The following TAF1B variants were observed in gnomAD, a reference collection of about 807,000 sequenced individuals.
TAF1B encodes TATA-box binding protein associated factor, RNA polymerase I subunit B.
A neutral mutation model predicts 83.9 loss-of-function variants in TAF1B; 61 were observed. That is an observed-to-expected ratio of 0.73 (90% CI 0.59 to 0.90). TAF1B has a LOEUF of 0.90. TAF1B is among the 40% of genes least tolerant of loss of function. The probability of loss-of-function intolerance (pLI) is 0.00; values close to 1 mark genes in which losing one functional copy is unlikely to be tolerated. For synonymous variants in TAF1B, 221 were observed against 224.6 expected, an observed-to-expected ratio of 0.98 and a Z score of 0.14; for missense variants, 625 against 677.0, an observed-to-expected ratio of 0.92 and a Z score of 0.85.
intron 2 of TAF1B, among the ~76,000 whole-genome samples, chr2:9,849,123 G>C (rs544015429): frequency 1.3e-5 from 2 of 152,262 alleles, no homozygotes; most frequent in Admixed American, 6.5e-5. Flanking sequence ...TAAAATAAAA[G>C]TTATTCATTT....
chr2:9,866,331 A>C (rs1279071420), intron 5 of TAF1B, among the ~76,000 whole-genome samples: 1 of 152,248 alleles, frequency 6.6e-6, no homozygotes, highest in Non-Finnish European at 1.5e-5. Flanking sequence ...AAACACATGA[A>C]AAAATGCTCA....
chr2:9,852,277 A>G (rs948414367), intron 4 of TAF1B, among the ~76,000 whole-genome samples: 4 of 152,184 alleles, frequency 2.6e-5, no homozygotes, highest in African/African-American at 9.7e-5. Flanking sequence ...TCCTGGAGCA[A>G]CACAGTATTT....
At chr2:9,929,184 A>G (rs1275754276) in intron 14 of TAF1B, among the ~76,000 whole-genome samples, 2 of 115,916 alleles carry the variant, frequency 1.7e-5, no homozygotes, top group African/African-American at 7.8e-5. Flanking sequence ...TTAGAGACGG[A>G]GTCTCGCTCT....
chr2:9,869,256 G>A (rs2125147022), intron 6 of TAF1B, among the ~76,000 whole-genome samples: 1 of 152,036 alleles, frequency 6.6e-6, no homozygotes, highest in South Asian at 2.1e-4. Context: ...ATGGAATCTA[G>A]TTCTGTCACC....
In TAF1B at chr2:9,933,835, C is replaced by G. The variant is rs570159917; in HGVS notation, c.1618C>G (p.Gln540Glu). The G allele has an allele frequency of 1.2e-6, 2 of 1,613,798 alleles. No individual in the cohort carries two copies. The highest frequency in any genetic ancestry group is 2.2e-5 in the South Asian group (2 of 91,040). ...YEESNYSLSYQFILNLFSFLL... is the reference protein window; with the variant it reads ...YEESNYSLSYEFILNLFSFLL... ...AGAATCAAATTATTCTCTGAGTTAT[C>G]AGTTTATACTAAATCTCTTCTCCTT... The change falls in exon 15 of 15, where the codon CAG (glutamine) becomes GAG (glutamate). Residue 540 changes from glutamine (Q) to glutamate (E), a missense_variant. Transcript: ENST00000263663.
intron 5 of TAF1B, among the ~76,000 whole-genome samples, chr2:9,864,891 G>A (rs995128908): frequency 6.6e-6 from 1 of 151,982 alleles, no homozygotes; most frequent in Admixed American, 6.6e-5. Context: ...ATTCAACAAC[G>A]CTTCATGTTA....
At chr2:9,880,562 C>A (rs1489641454) in intron 7 of TAF1B, among the ~76,000 whole-genome samples, 1 of 150,384 alleles carries the variant, frequency 6.6e-6, no homozygotes, top group South Asian at 2.1e-4. Flanking sequence ...ATTTCTGCTT[C>A]CCCTAGTCAG....
intron 7 of TAF1B, among the ~76,000 whole-genome samples, chr2:9,876,559 G>A (rs1228783678): frequency 6.6e-6 from 1 of 152,208 alleles, no homozygotes; most frequent in Non-Finnish European, 1.5e-5. Flanking sequence ...ACAGTTTTAT[G>A]TGTAAGAATT....
At chr2:9,916,915 C>T (rs931109421) in intron 12 of TAF1B, among the ~76,000 whole-genome samples, 40 of 141,834 alleles carry the variant, frequency 2.8e-4, no homozygotes, top group Admixed American at 2.5e-3. Flanking sequence ...GACACGATCT[C>T]GGCCCACCGC....
At chr2:9,901,385 A>G (rs1165475614) in intron 8 of TAF1B, among the ~76,000 whole-genome samples, 1 of 152,220 alleles carries the variant, frequency 6.6e-6, no homozygotes, top group East Asian at 1.9e-4. Context: ...CTCAATTCAT[A>G]TTCGAAAGAA....
chr2:9,850,766 T>G (rs1255556031), intron 3 of TAF1B, among the ~76,000 whole-genome samples: 2 of 152,208 alleles, frequency 1.3e-5, no homozygotes, highest in African/African-American at 4.8e-5. Context: ...CAGCTCGTAG[T>G]TGTCATTAAA....
Position 9,849,376 on chromosome 2 carries a change from T to G in TAF1B, c.121T>G (p.Tyr41Asp). Residue 41 changes from tyrosine to aspartate, a missense_variant, in exon 3 of 15, where the codon TAT becomes GAT. Physicochemically the swap from Tyr to Asp is radical, Grantham distance 160. Transcript: ENST00000263663. ...CTSCHNVTER[Y>D]QEVTNTDLIP... ...GGTCTTTTTCTCTTTCCTGCAGAGA[T>G]ATCAGGAAGTTACAAACACTGATCT... 6.3e-7 allele frequency: 1 copy of G among 1,594,924 alleles called. No individual in the cohort carries two copies. The highest frequency in any genetic ancestry group is 1.7e-4 in the Middle Eastern group (1 of 6,008).
intron 8 of TAF1B, among the ~76,000 whole-genome samples, chr2:9,890,172 G>A (rs904750797): frequency 6.6e-6 from 1 of 152,168 alleles, no homozygotes; most frequent in Non-Finnish European, 1.5e-5. Context: ...CTGCACTGCA[G>A]TTTGGAAACT....
In TAF1B at chr2:9,880,426, C is replaced by CTTTTTT. The variant is rs6146620; in HGVS notation, c.708-2260_708-2255dup. On this transcript the variant is annotated intron_variant, in intron 7 of 14. Coordinates refer to ENST00000263663, the MANE Select transcript of TAF1B (RefSeq NM_005680.3). ...ATTGTTCAGAACTTTGAGTAAGCAGCTTTTTTTTTTTTTTTTTTTTTTTTT... is the reference window on the plus strand; with the variant it reads ...ATTGTTCAGAACTTTGAGTAAGCAGCTTTTTTTTTTTTTTTTTTTTTTTTTTTTTTT... Among the ~76,000 whole-genome samples, 507 of 74,948 alleles carry CTTTTTT rather than the reference C, an allele frequency of 6.8e-3. 18 individuals carry two copies. Among genetic ancestry groups the CTTTTTT allele is most frequent in the South Asian group, 8.6e-3 (17 of 1,984 alleles). The allele number at this position is 74,948 out of a possible 152,430, so 49.2% of individuals were successfully genotyped here. A position where few individuals can be genotyped will look rare whatever the true frequency, so the allele number is the denominator to read the frequency against.
intron 12 of TAF1B, among the ~76,000 whole-genome samples, chr2:9,918,071 C>CA (rs777139466): frequency 0.094 from 10,535 of 111,524 alleles, 539 homozygotes; most frequent in Non-Finnish European, 0.13. Flanking sequence ...GACTCCGTCT[C>CA]AAAAAAAAAA....
intron 14 of TAF1B, among the ~76,000 whole-genome samples, chr2:9,923,842 T>G (rs1198617059): frequency 6.6e-6 from 1 of 152,184 alleles, no homozygotes. Context: ...GAAAGAGTTA[T>G]AGTCCCCAGT....
intron 2 of TAF1B, among the ~76,000 whole-genome samples, chr2:9,848,008 T>A (rs1038398731): frequency 1.3e-5 from 2 of 152,244 alleles, no homozygotes; most frequent in Non-Finnish European, 2.9e-5. Context: ...TAATTAATTA[T>A]AGCTCTAGTT....
At chr2:9,860,043 A>G (rs947814031) in intron 5 of TAF1B, among the ~76,000 whole-genome samples, 25 of 152,198 alleles carry the variant, frequency 1.6e-4, no homozygotes, top group African/African-American at 5.5e-4. Context: ...AGCAAGAGAG[A>G]GAGAGTGTGC....
At chr2:9,873,821 C>T (rs977793303) in intron 6 of TAF1B, among the ~76,000 whole-genome samples, 2 of 152,088 alleles carry the variant, frequency 1.3e-5, no homozygotes, top group Non-Finnish European at 2.9e-5. Context: ...TGCAATGCTA[C>T]CGCTCCAGTC....
Sources: gnomAD v4.1 joint callset for allele counts (sites outside exome capture counted in the v4.1 genomes callset) on GRCh38, gnomAD v4.1.1 for gene constraint, MANE v1.5 for transcripts, NCBI Gene and HGNC (gene_info 2026-07-23, HGNC 2026-07-21) for gene names.